Variants in CHAF1A observed in about 807,000 individuals in gnomAD.
The protein encoded by CHAF1A is chromatin assembly factor 1 subunit A, also known as CAF-1 subunit A.
In CHAF1A, 5 loss-of-function variants were observed where a neutral mutation model predicts 93.2. The observed-to-expected ratio is 0.05, with a 90% CI of 0.03 to 0.11. The LOEUF is 0.11. Ranked by LOEUF, CHAF1A falls within the 10% of genes least tolerant of loss-of-function variation. The pLI is 1.00. For synonymous variants in CHAF1A, 504 were observed against 510.3 expected (o/e 0.99, Z 0.17); for missense variants, 1,102 against 1,259.9 (o/e 0.87, Z 1.90).
intron 3 of CHAF1A, among the ~76,000 whole-genome samples, chr19:4,415,970 G>A (rs908446971): frequency 5.9e-5 from 9 of 152,048 alleles, no homozygotes; most frequent in Non-Finnish European, 8.8e-5. Context: ...TCAGGAGATC[G>A]AGACCATCCT....
downstream of CHAF1A, among the ~76,000 whole-genome samples, chr19:4,444,156 G>T (rs1408746223): frequency 6.6e-6 from 1 of 152,164 alleles, no homozygotes; most frequent in Non-Finnish European, 1.5e-5. Flanking sequence ...GGACTGGAGT[G>T]ACAGCCTCCA....
chr19:4,432,644 C>T (rs998496967), intron 12 of CHAF1A, among the ~76,000 whole-genome samples: 2 of 151,872 alleles, frequency 1.3e-5, no homozygotes, highest in Non-Finnish European at 2.9e-5. Context: ...CCTGTGATCC[C>T]AGCTACTCAA....
At position 4,428,948 on chromosome 19, in the gene CHAF1A, G is replaced by A. The variant is rs1017355485; in HGVS notation, c.1604+58G>A. The A allele has an allele frequency of 3.5e-6, 5 of 1,440,870 alleles. No individual in the cohort carries two copies. In the African/African-American group the frequency reaches 7.1e-5, roughly 20 times the overall value. 89.3% of individuals were successfully genotyped at this position (1,440,870 alleles called of 1,614,324 possible). A position where few individuals can be genotyped will look rare whatever the true frequency, so the allele number is the denominator to read the frequency against. ...TAGTGATGCTGGAGGCCAGCATCCT[G>A]AACCCTGGGGTCCCCGGGGTGGGAG... On this transcript the variant is annotated intron_variant, in intron 8 of 14. Transcript: ENST00000301280.
At position 4,433,018 on chromosome 19, in the gene CHAF1A, G is replaced by A; in HGVS notation, c.2204-52G>A. ...GTATGTGTTTTGTTTTTTGGCCTGT[G>A]GTGATGGGTGGCTCCCCAAGCCTCA... On this transcript the variant is annotated intron_variant, in intron 12 of 14. Coordinates refer to ENST00000301280, the MANE Select transcript of CHAF1A (RefSeq NM_005483.3). The surrounding 1 kb of genome is among the most constrained non-coding windows in gnomAD (Gnocchi z 5.6). 7.1e-7 allele frequency: 1 copy of A among 1,406,392 alleles called. No homozygotes were observed. The highest frequency in any genetic ancestry group is 1.4e-5 in the South Asian group (1 of 72,828). The allele number at this position is 1,406,392 out of a possible 1,614,324, so 87.1% of individuals were successfully genotyped here.
downstream of CHAF1A, chr19:4,448,613 A>G: frequency 1.7e-6 from 1 of 596,662 alleles, no homozygotes; most frequent in Admixed American, 2.9e-5. Flanking sequence ...GAGGCGACGC[A>G]GCCAAGACCC....
chr19:4,445,281 T>A, downstream of CHAF1A: 1 of 704,750 alleles, frequency 1.4e-6, no homozygotes, highest in Non-Finnish European at 2.3e-6. Context: ...TCCCCAGGCC[T>A]CTCCCTCGGG....
intron 3 of CHAF1A, among the ~76,000 whole-genome samples, chr19:4,413,895 A>T (rs1453900363): frequency 6.6e-6 from 1 of 152,146 alleles, no homozygotes; most frequent in Non-Finnish European, 1.5e-5. Flanking sequence ...TTAGTATTAG[A>T]GTTTTCTACC....
At chr19:4,446,328 A>G (rs759382212), downstream of CHAF1A, 7 of 1,574,526 alleles carry the variant, frequency 4.4e-6, no homozygotes, top group African/African-American at 1.3e-5. Flanking sequence ...AGCAGCGTGT[A>G]GTTGTACTTG....
At chr19:4,448,685 G>A (rs1599676477), downstream of CHAF1A, 3 of 502,094 alleles carry the variant, frequency 6.0e-6, no homozygotes, top group East Asian at 1.1e-4. Context: ...TTGGAAGCCA[G>A]TGTGACGCGA....
At chr19:4,447,577 C>T, downstream of CHAF1A, 1 of 1,613,868 alleles carries the variant, frequency 6.2e-7, no homozygotes, top group Non-Finnish European at 8.5e-7. Flanking sequence ...GCAGCTTGAT[C>T]TTCCGGTACT....
At position 4,442,349 on chromosome 19, in the gene CHAF1A, G is replaced by A. The variant is rs1446077160; in HGVS notation, c.2770+8G>A. 1 of 1,577,996 alleles carries A rather than the reference G, an allele frequency of 6.3e-7. No homozygotes were observed. The highest frequency in any genetic ancestry group is 2.3e-5 in the East Asian group (1 of 43,654). On this transcript the variant is annotated splice_region_variant and intron_variant, in intron 14 of 14. Coordinates refer to ENST00000301280, the MANE Select transcript of CHAF1A (RefSeq NM_005483.3). ...ATGTCCCGGATGCTGCGGGTGAGAAGGGCTGTAGATAGCAGAACGCACTGG... is the reference window on the plus strand; with the variant it reads ...ATGTCCCGGATGCTGCGGGTGAGAAAGGCTGTAGATAGCAGAACGCACTGG...
chr19:4,432,063 G>T lies in CHAF1A; in HGVS notation c.2059G>T (p.Gly687Cys). ...RFRVLQPVKIGCVWAADRDCA... is the reference protein window; with the variant it reads ...RFRVLQPVKICCVWAADRDCA... ...TCGCGTCCTGCAACCTGTGAAGATCGGCTGCGTGTGGGCGGCTGACAGAGA... is the reference window on the plus strand; with the variant it reads ...TCGCGTCCTGCAACCTGTGAAGATCTGCTGCGTGTGGGCGGCTGACAGAGA... Residue 687 changes from glycine to cysteine, a missense_variant, in exon 12 of 15, where the codon GGC becomes TGC. Gly to Cys is a radical substitution (Grantham distance 159). Coordinates refer to ENST00000301280, the MANE Select transcript of CHAF1A (RefSeq NM_005483.3). 1 of 1,613,986 alleles carries T rather than the reference G, an allele frequency of 6.2e-7. No homozygotes were observed.
chr19:4,433,205 A>G lies in CHAF1A; in HGVS notation c.2339A>G (p.Tyr780Cys), dbSNP rs756844928. Residue 780 changes from tyrosine (Y) to cysteine (C), a missense_variant, in exon 13 of 15, where the codon TAC becomes TGC. By Grantham distance (194) the Tyr-to-Cys change is radical. Around this residue, in one of 6 missense-constraint regions of CHAF1A, gnomAD observed 335 missense variants for 361.9 expected, o/e 0.93. Transcript: ENST00000301280. The surrounding 1 kb of genome is among the most constrained non-coding windows in gnomAD (Gnocchi z 5.6). ...AGCCCGCGGAGCCCCTCCACCACCT[A>G]CCTGCACACCCCCACCCCCAGCGAG... ...TGSPRSPSTT[Y>C]LHTPTPSEDA... The G allele has an allele frequency of 4.3e-6, 7 of 1,613,778 alleles. No homozygotes were observed. The highest frequency in any genetic ancestry group is 5.9e-6 in the Non-Finnish European group (7 of 1,179,876).
intron 12 of CHAF1A, among the ~76,000 whole-genome samples, 198 bp from the exon 13 acceptor site, chr19:4,432,872 G>A (rs1434442750): frequency 2.0e-5 from 3 of 152,106 alleles, no homozygotes; most frequent in Admixed American, 2.0e-4. Flanking sequence ...CAACACACGT[G>A]CCCGGCCAAG....
Position 4,402,690 on chromosome 19 carries a change from C to A in CHAF1A, c.-73C>A. ...GGCAGCAGCGGCGCGGGCGGGAGGG[C>A]GAAGAGCAGCGGCCGCCTGAGGGGA... On this transcript the variant is annotated 5_prime_UTR_variant, in exon 1 of 15. Transcript: ENST00000301280. The A allele has an allele frequency of 1.1e-6, 1 of 918,070 alleles. No individual in the cohort carries two copies. Among genetic ancestry groups the A allele is most frequent in the Non-Finnish European group, 1.4e-6 (1 of 712,952 alleles). 56.9% of individuals were successfully genotyped at this position (918,070 alleles called of 1,614,324 possible). A position where few individuals can be genotyped will look rare whatever the true frequency, so the allele number is the denominator to read the frequency against.
At chr19:4,429,988 C>A (rs745805189) in intron 10 of CHAF1A, 200 bp downstream of exon 10, 12 of 550,206 alleles carry the variant, frequency 2.2e-5, no homozygotes, top group Non-Finnish European at 3.9e-5. Context: ...TGGTGACACT[C>A]GCCCACGTGG....
chr19:4,444,389 G>C (rs1443185071), downstream of CHAF1A, among the ~76,000 whole-genome samples: 1 of 152,160 alleles, frequency 6.6e-6, no homozygotes, highest in African/African-American at 2.4e-5. Context: ...GTGGCTTAAA[G>C]CAAGTCACCA....
At chr19:4,445,387 G>A, downstream of CHAF1A, 6 of 1,543,392 alleles carry the variant, frequency 3.9e-6, no homozygotes, top group South Asian at 1.2e-5. Context: ...CGTGCCCATG[G>A]GGCAGAGCCA....
chr19:4,448,955 A>G (rs973971667), downstream of CHAF1A: 1 of 154,926 alleles, frequency 6.5e-6, no homozygotes, highest in Non-Finnish European at 1.4e-5. Flanking sequence ...CTGAAACTCA[A>G]TAGCTGGAAG....
Sources: allele counts gnomAD v4.1 joint callset (sites outside exome capture counted in the v4.1 genomes callset), GRCh38; gene constraint gnomAD v4.1.1; regional missense constraint gnomAD v4.1.1; non-coding constraint Gnocchi (gnomAD v3.1); transcripts MANE v1.5; gene names NCBI Gene and HGNC (gene_info 2026-07-23, HGNC 2026-07-21).